OVCH1: variants seen among roughly 807,000 people sequenced by gnomAD.
The protein encoded by OVCH1 is ovochymase 1, also known as ovochymase-1.
OVCH1 carries 139 observed loss-of-function variants against 138.4 expected under a neutral mutation model. The observed-to-expected ratio is 1.00, with a 90% CI of 0.87 to 1.16. The LOEUF (loss-of-function observed/expected upper bound fraction) is 1.16, where lower values mean the gene tolerates loss of function less well. OVCH1 is among the 50% of genes most tolerant of loss of function. The pLI, the probability that OVCH1 is intolerant of heterozygous loss-of-function variation, is 0.00. For synonymous variants in OVCH1, 453 were observed against 467.8 expected (o/e 0.97, Z 0.41); for missense variants, 1,367 against 1,357.9 (o/e 1.01, Z -0.11).
chr12:29,412,173 G>T (rs1043751613), downstream of OVCH1, among the ~76,000 whole-genome samples: 4 of 152,120 alleles, frequency 2.6e-5, no homozygotes, highest in African/African-American at 9.7e-5. Flanking sequence ...CGCAGTACTT[G>T]GGCAGGAGTG....
At chr12:29,462,725 TACA>T (rs1247782246) in intron 18 of OVCH1, among the ~76,000 whole-genome samples, 3 of 152,102 alleles carry the variant, frequency 2.0e-5, no homozygotes, top group Non-Finnish European at 2.9e-5. Context: ...AACCTAATAA[TACA>T]ACAACATTTT....
chr12:29,461,735 G>A (rs778897265), intron 19 of OVCH1, 119 bp downstream of exon 19: 1 of 1,228,070 alleles, frequency 8.1e-7, no homozygotes, highest in African/African-American at 1.5e-5. Flanking sequence ...TTCATGCAGG[G>A]ATATGATATT....
At chr12:29,489,540 A>G (rs1943215738) in intron 6 of OVCH1, 80 bp downstream of exon 6, 9 of 1,413,286 alleles carry the variant, frequency 6.4e-6, no homozygotes, top group South Asian at 4.3e-5. Context: ...TAGAAGAAAC[A>G]TGAGCTTCTT....
intron 12 of OVCH1, among the ~76,000 whole-genome samples, chr12:29,476,682 G>A (rs191955290): frequency 6.6e-5 from 10 of 151,762 alleles, no homozygotes; most frequent in Non-Finnish European, 4.4e-5. Flanking sequence ...AGCTCTGTGG[G>A]CTCATCTGGA....
the OVCH1 span, among the ~76,000 whole-genome samples, chr12:29,406,299 T>G: frequency 6.6e-6 from 1 of 151,966 alleles, no homozygotes; most frequent in African/African-American, 2.4e-5. Flanking sequence ...TCACCTTTAT[T>G]TTATTTATTT....
chr12:29,427,434 G>A, downstream of OVCH1: 1 of 1,205,910 alleles, frequency 8.3e-7, no homozygotes, highest in East Asian at 2.6e-5. Context: ...GGTTAAGGAA[G>A]GCTATTTAGA....
At chr12:29,419,067 A>G (rs572197319) in intron 3 of OVCH1, among the ~76,000 whole-genome samples, 69 of 152,168 alleles carry the variant, frequency 4.5e-4, no homozygotes, top group African/African-American at 1.5e-3. Flanking sequence ...TATGTTGCCC[A>G]GGCTGATCTC....
intron 8 of OVCH1, among the ~76,000 whole-genome samples, chr12:29,483,516 A>G (rs1380178007): frequency 2.0e-5 from 3 of 152,186 alleles, no homozygotes; most frequent in Non-Finnish European, 4.4e-5. Context: ...TAGTTTTAGC[A>G]TACCCATTGG....
chr12:29,476,270 A>G (rs527863289), exon 13 of OVCH1: 14 of 1,613,656 alleles, frequency 8.7e-6, no homozygotes, highest in Middle Eastern at 3.3e-4. Context: ...AGTTTGGACT[A>G]AATTTGACAG....
At chr12:29,441,913 C>A (rs1941494904) in intron 25 of OVCH1, among the ~76,000 whole-genome samples, 1 of 152,066 alleles carries the variant, frequency 6.6e-6, no homozygotes, top group South Asian at 2.1e-4. Flanking sequence ...AAATCAAAAC[C>A]ACAATGAGAT....
At chr12:29,443,817 C>T (rs983379408) in intron 24 of OVCH1, among the ~76,000 whole-genome samples, 5 of 151,950 alleles carry the variant, frequency 3.3e-5, no homozygotes, top group African/African-American at 9.7e-5. Flanking sequence ...CCCCAAACTC[C>T]CACACATCAT....
chr12:29,464,413 G>A (rs1260789117), intron 18 of OVCH1, 94 bp downstream of exon 18: 2 of 1,292,286 alleles, frequency 1.5e-6, no homozygotes, highest in South Asian at 2.5e-5. Flanking sequence ...AGAAAGAAGA[G>A]GGGCTGAAGC....
intron 15 of OVCH1, among the ~76,000 whole-genome samples, chr12:29,472,246 G>T (rs11614288): frequency 1.8e-4 from 28 of 152,154 alleles, no homozygotes; most frequent in Non-Finnish European, 3.8e-4. Context: ...CCATTTGCTA[G>T]GCACTGTTCC....
At chr12:29,493,020 C>A (rs1943314022) in intron 4 of OVCH1, among the ~76,000 whole-genome samples, 1 of 152,120 alleles carries the variant, frequency 6.6e-6, no homozygotes, top group Admixed American at 6.6e-5. Context: ...GTGACTGTGA[C>A]AAGACCAAAT....
At chr12:29,404,504 A>C in the OVCH1 span, among the ~76,000 whole-genome samples, 14 of 152,212 alleles carry the variant, frequency 9.2e-5, no homozygotes, top group Non-Finnish European at 1.5e-5. Context: ...CTGATGCAAC[A>C]GATCTCTGAA....
At chr12:29,420,960 G>A (rs550434500) in intron 3 of OVCH1, among the ~76,000 whole-genome samples, 32 of 152,358 alleles carry the variant, frequency 2.1e-4, no homozygotes, top group African/African-American at 7.2e-4. Context: ...TTGTGACATA[G>A]GGAGAGCAGA....
At chr12:29,468,944 T>C (rs1044941844) in intron 16 of OVCH1, among the ~76,000 whole-genome samples, 7 of 152,094 alleles carry the variant, frequency 4.6e-5, no homozygotes, top group Non-Finnish European at 7.4e-5. Flanking sequence ...CTTGGAGAAA[T>C]GGCTGGTGCT....
At chr12:29,476,909 T>C (rs1383325328) in intron 12 of OVCH1, among the ~76,000 whole-genome samples, 193 bp downstream of exon 12, 2 of 152,074 alleles carry the variant, frequency 1.3e-5, no homozygotes, top group Non-Finnish European at 2.9e-5. Flanking sequence ...TACTTTTCAT[T>C]GGATACACTT....
At chr12:29,414,345 A>C (rs73276818) in intron 3 of OVCH1, among the ~76,000 whole-genome samples, 15,430 of 151,946 alleles carry the variant, frequency 0.1, 882 homozygotes, top group African/African-American at 0.16. Flanking sequence ...TCTTATTCTG[A>C]TTTTTTTCAT....
Sources: allele counts gnomAD v4.1 joint callset (sites outside exome capture counted in the v4.1 genomes callset), GRCh38; gene constraint gnomAD v4.1.1; transcripts MANE v1.5; gene names NCBI Gene and HGNC (gene_info 2026-07-23, HGNC 2026-07-21).